Variants in TMCO4 observed in about 807,000 individuals in gnomAD.
TMCO4 encodes transmembrane and coiled-coil domain-containing protein 4.
In TMCO4, 58 loss-of-function variants were observed where a neutral mutation model predicts 64.7. That is an observed-to-expected ratio of 0.90 (90% confidence interval 0.73 to 1.12). The LOEUF is 1.12. Among genes scored for constraint, TMCO4 ranks in the 50% most tolerant of loss-of-function variants. The probability of loss-of-function intolerance (pLI) is 0.00; values close to 1 mark genes in which losing one functional copy is unlikely to be tolerated. For missense variants in TMCO4, 780 were observed against 825.9 expected (o/e 0.94, Z 0.68); for synonymous variants, 325 against 346.1 (o/e 0.94, Z 0.68).
chr1:19,710,373 A>G (rs1287396427), intron 13 of TMCO4, among the ~76,000 whole-genome samples: 1 of 151,346 alleles, frequency 6.6e-6, no homozygotes. Context: ...TCAGCCTCCC[A>G]AAGTGCTGGG....
intron 1 of TMCO4, 21 bp downstream of exon 1, chr1:19,799,834 G>C (rs2044517289): frequency 6.6e-6 from 1 of 151,992 alleles, no homozygotes; most frequent in Non-Finnish European, 1.5e-5. Context: ...TGGCCTGGCG[G>C]CTCCTCCGGG....
intron 15 of TMCO4, among the ~76,000 whole-genome samples, chr1:19,689,262 G>C (rs1343610610): frequency 6.6e-6 from 1 of 152,206 alleles, no homozygotes; most frequent in Non-Finnish European, 1.5e-5. Context: ...TAATTACCCA[G>C]AAGAGGAAAG....
chr1:19,744,867 T>C (rs762834932), intron 10 of TMCO4, among the ~76,000 whole-genome samples: 1 of 152,218 alleles, frequency 6.6e-6, no homozygotes, highest in Non-Finnish European at 1.5e-5. Flanking sequence ...TCTTGGGCTG[T>C]ATGTTCTGTG....
At chr1:19,735,343 G>C (rs1270230651) in intron 13 of TMCO4, among the ~76,000 whole-genome samples, 1 of 152,170 alleles carries the variant, frequency 6.6e-6, no homozygotes, top group South Asian at 2.1e-4. Flanking sequence ...GAGGTTAAGT[G>C]ACTAGCCCAA....
chr1:19,694,946 G>A lies in TMCO4; in HGVS notation c.1383-395C>T, dbSNP rs535707042. On this transcript the variant is annotated intron_variant, in intron 14 of 15. Coordinates refer to ENST00000294543, the MANE Select transcript of TMCO4 (RefSeq NM_181719.7). ...GGCTCAGGAGAGCTACTCCCAGCTCGGGAAAGGTGGCTTGTCCAGGGCTCC... is the reference window on the plus strand; with the variant it reads ...GGCTCAGGAGAGCTACTCCCAGCTCAGGAAAGGTGGCTTGTCCAGGGCTCC... Among the ~76,000 whole-genome samples, 69 of 152,346 alleles carry A rather than the reference G, an allele frequency of 4.5e-4. 2 individuals carry two copies. In the South Asian group the frequency reaches 0.012, roughly 26 times the overall value.
chr1:19,685,775 G>A (rs1405703225), intron 15 of TMCO4, among the ~76,000 whole-genome samples: 1 of 139,190 alleles, frequency 7.2e-6, no homozygotes, highest in Non-Finnish European at 1.5e-5. Context: ...GTGCAATGGT[G>A]CAGTCTTGGC....
intron 15 of TMCO4, among the ~76,000 whole-genome samples, chr1:19,688,107 T>A (rs1247808688): frequency 6.6e-6 from 1 of 152,200 alleles, no homozygotes; most frequent in East Asian, 1.9e-4. Flanking sequence ...GCTGCCTGGA[T>A]ACACGCCGGA....
At chr1:19,709,913 C>G (rs151129510) in intron 13 of TMCO4, among the ~76,000 whole-genome samples, 7 of 151,230 alleles carry the variant, frequency 4.6e-5, no homozygotes, top group Non-Finnish European at 1.0e-4. Flanking sequence ...CTCAGCCTCC[C>G]GAGTAGCTGG....
intron 13 of TMCO4, among the ~76,000 whole-genome samples, chr1:19,705,555 C>A (rs1244287776): frequency 6.6e-6 from 1 of 151,564 alleles, no homozygotes; most frequent in African/African-American, 2.4e-5. Context: ...AAAAACAACT[C>A]ATGTTTTAGG....
chr1:19,709,313 C>T (rs2100670518), intron 13 of TMCO4, among the ~76,000 whole-genome samples: 1 of 151,400 alleles, frequency 6.6e-6, no homozygotes, highest in South Asian at 2.1e-4. Flanking sequence ...AAAAATTAAT[C>T]TGCACTGCCT....
At chr1:19,796,037 T>G (rs1031438922) in intron 2 of TMCO4, among the ~76,000 whole-genome samples, 1 of 152,180 alleles carries the variant, frequency 6.6e-6, no homozygotes, top group Admixed American at 6.5e-5. Flanking sequence ...TCCGTCTGGG[T>G]CCCCCTGTCC....
chr1:19,798,824 G>C (rs187150346), intron 1 of TMCO4, among the ~76,000 whole-genome samples: 3 of 152,168 alleles, frequency 2.0e-5, no homozygotes. Context: ...CTGTATCCTC[G>C]TTGCCTAAAC....
chr1:19,799,597 C>T (rs2044501303), intron 1 of TMCO4, among the ~76,000 whole-genome samples: 1 of 152,234 alleles, frequency 6.6e-6, no homozygotes, highest in Admixed American at 6.5e-5. Flanking sequence ...CCCTCTGCCT[C>T]CCCAAGATTT....
At chr1:19,689,678 C>A (rs1428400411) in intron 15 of TMCO4, among the ~76,000 whole-genome samples, 1 of 152,258 alleles carries the variant, frequency 6.6e-6, no homozygotes, top group African/African-American at 2.4e-5. Context: ...CTTGTGAGGG[C>A]TTTGCAGCAT....
intron 13 of TMCO4, among the ~76,000 whole-genome samples, chr1:19,722,518 G>A (rs2095389769): frequency 6.6e-6 from 1 of 152,140 alleles, no homozygotes; most frequent in Non-Finnish European, 1.5e-5. Context: ...AAGAATGTAG[G>A]GGACTTGCAC....
intron 13 of TMCO4, among the ~76,000 whole-genome samples, chr1:19,733,204 T>C (rs1397108968): frequency 6.6e-6 from 1 of 152,134 alleles, no homozygotes; most frequent in Non-Finnish European, 1.5e-5. Flanking sequence ...GAGGCAGAAG[T>C]TGCAGTGAGC....
At chr1:19,787,492 T>C (rs2043805630) in intron 2 of TMCO4, among the ~76,000 whole-genome samples, 1 of 152,220 alleles carries the variant, frequency 6.6e-6, no homozygotes, top group Admixed American at 6.5e-5. Context: ...GAGTGGGCAC[T>C]CAGAAAATGT....
chr1:19,722,892 TTCTC>T (rs2095391797), intron 13 of TMCO4, among the ~76,000 whole-genome samples: 1 of 152,084 alleles, frequency 6.6e-6, no homozygotes, highest in South Asian at 2.1e-4. Context: ...GTGCCTGTGT[TTCTC>T]TCTGCCCACC....
chr1:19,765,738 G>A (rs896407815), intron 6 of TMCO4, among the ~76,000 whole-genome samples: 4 of 151,672 alleles, frequency 2.6e-5, no homozygotes, highest in Non-Finnish European at 2.9e-5. Context: ...AAAAAATTCC[G>A]CCCAGCTGCC....
Sources: gnomAD v4.1 joint callset for allele counts (sites outside exome capture counted in the v4.1 genomes callset) on GRCh38, gnomAD v4.1.1 for gene constraint, MANE v1.5 for transcripts, NCBI Gene and HGNC (gene_info 2026-07-23, HGNC 2026-07-21) for gene names.